FHIT: variants seen among roughly 807,000 people sequenced by gnomAD.
FHIT encodes bis(5'-adenosyl)-triphosphatase.
Under a neutral mutation model 17.9 loss-of-function variants are expected in FHIT, and 19 were observed. That is an observed-to-expected ratio of 1.06 (90% CI 0.74 to 1.56). The LOEUF (loss-of-function observed/expected upper bound fraction) is 1.56, where lower values mean the gene tolerates loss of function less well. FHIT is among the 40% of genes most tolerant of loss of function. The pLI is 0.00. For missense variants in FHIT, 248 were observed against 189.2 expected, an observed-to-expected ratio of 1.31 and a Z score of -1.82; for synonymous variants, 81 against 69.7, an observed-to-expected ratio of 1.16 and a Z score of -0.81.
chr3:60,496,003 AGAT>A (rs2034286684), intron 5 of FHIT, among the ~76,000 whole-genome samples: 1 of 152,198 alleles, frequency 6.6e-6, no homozygotes, highest in Non-Finnish European at 1.5e-5. Flanking sequence ...AAAGATATCC[AGAT>A]GATATCAAGG....
At chr3:60,884,904 C>G (rs1368643263) in intron 3 of FHIT, among the ~76,000 whole-genome samples, 2 of 90,532 alleles carry the variant, frequency 2.2e-5, no homozygotes, top group Non-Finnish European at 4.7e-5. Context: ...GACTGAGACC[C>G]TTTCTCAAAA....
intron 5 of FHIT, among the ~76,000 whole-genome samples, chr3:60,434,456 A>C (rs1159473554): frequency 6.6e-6 from 1 of 152,038 alleles, no homozygotes; most frequent in African/African-American, 2.4e-5. Context: ...GCAGGGTTGC[A>C]TAGGGGATAC....
At chr3:60,848,912 A>G (rs1553747443) in intron 3 of FHIT, among the ~76,000 whole-genome samples, 1 of 152,192 alleles carries the variant, frequency 6.6e-6, no homozygotes, top group Non-Finnish European at 1.5e-5. Context: ...GTTACTAAAC[A>G]CTTTAAAATT....
chr3:61,088,279 T>C (rs2035367473), intron 2 of FHIT, among the ~76,000 whole-genome samples: 1 of 152,182 alleles, frequency 6.6e-6, no homozygotes, highest in South Asian at 2.1e-4. Flanking sequence ...CTGTCTAAGA[T>C]GGGCTCTCTC....
At chr3:59,993,170 T>C (rs1402539895) in intron 7 of FHIT, among the ~76,000 whole-genome samples, 2 of 152,082 alleles carry the variant, frequency 1.3e-5, no homozygotes, top group Non-Finnish European at 2.9e-5. Flanking sequence ...CCATGGTGTT[T>C]GCTTTTCATC....
intron 2 of FHIT, among the ~76,000 whole-genome samples, chr3:61,116,770 A>G (rs927024931): frequency 2.6e-5 from 4 of 152,192 alleles, no homozygotes. Flanking sequence ...TCTCTGCTAC[A>G]TATTAGCAGC....
intron 5 of FHIT, among the ~76,000 whole-genome samples, chr3:60,074,523 A>C (rs1468749841): frequency 6.7e-6 from 1 of 148,988 alleles, no homozygotes; most frequent in Non-Finnish European, 1.5e-5. Flanking sequence ...TTCATTCAGC[A>C]AATGTGTGGA....
At chr3:60,831,830 C>T (rs1702340538) in intron 3 of FHIT, among the ~76,000 whole-genome samples, 1 of 152,074 alleles carries the variant, frequency 6.6e-6, no homozygotes, top group Non-Finnish European at 1.5e-5. Context: ...CTTAACCACT[C>T]ACTCTGCAGA....
chr3:60,075,809 C>T (rs1478155139), intron 5 of FHIT, among the ~76,000 whole-genome samples: 2 of 152,086 alleles, frequency 1.3e-5, no homozygotes, highest in African/African-American at 4.8e-5. Flanking sequence ...TGAGGCCTGG[C>T]ATTCTCATGA....
At chr3:59,853,260 G>T (rs1702016029) in intron 8 of FHIT, among the ~76,000 whole-genome samples, 1 of 152,020 alleles carries the variant, frequency 6.6e-6, no homozygotes, top group South Asian at 2.1e-4. Flanking sequence ...ACTCATTTTT[G>T]AAATATCCAC....
Position 60,483,153 on chromosome 3 carries a change from C to T in FHIT, c.103+53707G>A, listed in dbSNP as rs140682316. On this transcript the variant is annotated intron_variant, in intron 5 of 9. Transcript: ENST00000492590. Reference sequence around the variant, plus strand: ...GGAAGGAGTTGAATCCTTGAACAGACCAATAATAAGTTCTGAAATTGAGGC... The same window carrying T: ...GGAAGGAGTTGAATCCTTGAACAGATCAATAATAAGTTCTGAAATTGAGGC... 3.4e-4 allele frequency among the ~76,000 whole-genome samples: 52 copies of T among 152,190 alleles called. 2 individuals are homozygous for T. In the East Asian group the frequency reaches 9.3e-3, roughly 27 times the overall value.
At chr3:60,009,358 A>G (rs1009366287) in intron 7 of FHIT, among the ~76,000 whole-genome samples, 1 of 152,182 alleles carries the variant, frequency 6.6e-6, no homozygotes, top group Non-Finnish European at 1.5e-5. Context: ...TAACCTGCTG[A>G]TTTAAAAAAC....
chr3:60,608,709 T>A (rs1339772602), intron 4 of FHIT, among the ~76,000 whole-genome samples: 10 of 152,120 alleles, frequency 6.6e-5, no homozygotes, highest in Admixed American at 6.6e-4. Flanking sequence ...AGGAATATAT[T>A]TTAGGAATAA....
chr3:61,082,562 T>C (rs562986668), intron 2 of FHIT, among the ~76,000 whole-genome samples: 30 of 152,200 alleles, frequency 2.0e-4, no homozygotes, highest in Non-Finnish European at 1.8e-4. Context: ...TTAGCGTATA[T>C]CTAGTAGAAG....
intron 5 of FHIT, among the ~76,000 whole-genome samples, chr3:60,022,702 A>T (rs1160444242): frequency 6.6e-6 from 1 of 152,212 alleles, no homozygotes; most frequent in African/African-American, 2.4e-5. Flanking sequence ...TGAAGCTCTG[A>T]TAAGGAGCAG....
intron 8 of FHIT, among the ~76,000 whole-genome samples, chr3:59,913,994 G>A (rs1025106077): frequency 4.6e-5 from 7 of 152,162 alleles, no homozygotes; most frequent in African/African-American, 1.7e-4. Flanking sequence ...CCAGTAAGCT[G>A]AAGCAGTTTG....
chr3:60,178,411 C>T (rs1701778653), intron 5 of FHIT, among the ~76,000 whole-genome samples: 1 of 151,950 alleles, frequency 6.6e-6, no homozygotes, highest in Non-Finnish European at 1.5e-5. Context: ...ACATGGTGAA[C>T]CCTTTCTGTA....
At chr3:60,410,855 C>T (rs1205011516) in intron 5 of FHIT, among the ~76,000 whole-genome samples, 1 of 152,264 alleles carries the variant, frequency 6.6e-6, no homozygotes, top group South Asian at 2.1e-4. Flanking sequence ...CCTGCAAACA[C>T]AGACACCACA....
chr3:59,774,190 G>A (rs924261972), intron 8 of FHIT, among the ~76,000 whole-genome samples: 1 of 152,190 alleles, frequency 6.6e-6, no homozygotes, highest in Non-Finnish European at 1.5e-5. Flanking sequence ...CCAGGTGCCT[G>A]ATTTGGTAAA....
Sources: allele counts gnomAD v4.1 joint callset (sites outside exome capture counted in the v4.1 genomes callset), GRCh38; gene constraint gnomAD v4.1.1; transcripts MANE v1.5; gene names NCBI Gene and HGNC (gene_info 2026-07-23, HGNC 2026-07-21).